Variants in MTF1 observed in about 807,000 individuals in gnomAD.
The protein encoded by MTF1 is MRE-binding transcription factor.
In MTF1, 22 loss-of-function variants were observed where a neutral mutation model predicts 70.4. That is an observed-to-expected ratio of 0.31 (90% CI 0.22 to 0.45). MTF1 has a LOEUF of 0.45. Among genes scored for constraint, MTF1 ranks in the 20% least tolerant of loss-of-function variants. The pLI is 1.00. For missense variants in MTF1, 649 were observed against 922.0 expected (o/e 0.70, Z 3.83); for synonymous variants, 333 against 352.8 (o/e 0.94, Z 0.63).
intron 2 of MTF1, among the ~76,000 whole-genome samples, chr1:37,845,114 G>A (rs28625842): frequency 0.24 from 36,102 of 152,134 alleles, 4,900 homozygotes; most frequent in Non-Finnish European, 0.3. Flanking sequence ...CACAACTTCC[G>A]GGACTAGCAT....
In MTF1 at chr1:37,828,266, GA is replaced by G. The variant is rs767828077; in HGVS notation, c.1068+3978del. On this transcript the variant is annotated intron_variant, in intron 7 of 10. Coordinates refer to ENST00000373036, the MANE Select transcript of MTF1 (RefSeq NM_005955.3). ...GAGATCATGGCTTTTGGGGGTATGT[GA>G]GGGGGGGGCCTCTGGGGTGCTGGGA... 8.8e-4 allele frequency: 315 copies of G among 357,644 alleles called. 1 individual carries two copies. The highest frequency in any genetic ancestry group is 1.6e-3 in the African/African-American group (70 of 43,804). The allele number at this position is 357,644 out of a possible 1,614,324, so 22.2% of individuals were successfully genotyped here.
chr1:37,834,312 G>A (rs1275254144), intron 6 of MTF1, among the ~76,000 whole-genome samples: 2 of 138,128 alleles, frequency 1.4e-5, no homozygotes, highest in African/African-American at 5.3e-5. Flanking sequence ...TATAAAGACT[G>A]ACTTTTACTT....
intron 2 of MTF1, among the ~76,000 whole-genome samples, chr1:37,848,258 C>T (rs1641362939): frequency 6.6e-6 from 1 of 152,144 alleles, no homozygotes; most frequent in African/African-American, 2.4e-5. Flanking sequence ...TCATGATGCA[C>T]CAGACACTAT....
intron 2 of MTF1, among the ~76,000 whole-genome samples, chr1:37,849,947 G>A (rs184217437): frequency 6.6e-6 from 1 of 152,136 alleles, no homozygotes; most frequent in Non-Finnish European, 1.5e-5. Flanking sequence ...ACTTGGAGTA[G>A]AAAGGCCTTA....
chr1:37,835,157 G>A lies in MTF1; in HGVS notation c.912C>T (p.Tyr304=), dbSNP rs755498079. The change falls in exon 6 of 11, where the codon TAC becomes TAT. Residue 304 remains tyrosine, a synonymous_variant. Coordinates refer to ENST00000373036, the MANE Select transcript of MTF1 (RefSeq NM_005955.3). ...GACCTTTCATGTGACTTTTGAGACT[G>A]TATTGAGTGCTGAATGTTTTCTCAC... is the stretch of plus-strand genomic sequence containing the variant. ...NGCEKTFSTQ[Y]SLKSHMKGHD... 2.6e-5 allele frequency: 42 copies of A among 1,613,298 alleles called. No individual in the cohort carries two copies. The highest frequency in any genetic ancestry group is 3.4e-5 in the Non-Finnish European group (40 of 1,179,330).
At chr1:37,821,773 G>C (rs1180109217) in intron 9 of MTF1, among the ~76,000 whole-genome samples, 1 of 152,152 alleles carries the variant, frequency 6.6e-6, no homozygotes, top group African/African-American at 2.4e-5. Context: ...ACATCAGTCT[G>C]ACTCTGCCTT....
intron 7 of MTF1, among the ~76,000 whole-genome samples, chr1:37,828,465 C>T (rs1641037544): frequency 6.6e-6 from 1 of 152,114 alleles, no homozygotes; most frequent in African/African-American, 2.4e-5. Flanking sequence ...CCACCACACC[C>T]GGCTAATTTT....
rs1450234859 is a variant in MTF1 at position 37,822,381 on chromosome 1, C to A, written c.1507G>T (p.Ala503Ser). The change falls in exon 9 of 11, where the codon GCT (alanine) becomes TCT (serine). Residue 503 changes from alanine (A) to serine (S), a missense_variant. Physicochemically the swap from Ala to Ser is moderately conservative, Grantham distance 99. Transcript: ENST00000373036. Reference protein sequence around the residue: ...QPIVPGLSVVAGASASAAAVA... With the variant: ...QPIVPGLSVVSGASASAAAVA... ...GCCGCTGCTGATGCAGAAGCCCCAG[C>A]AACAACAGAAAGTCCTGGTACAATG... 1 of 1,613,884 alleles carries A rather than the reference C, an allele frequency of 6.2e-7. No homozygotes were observed. Among genetic ancestry groups the A allele is most frequent in the South Asian group, 1.1e-5 (1 of 91,056 alleles).
intron 5 of MTF1, 81 bp from the exon 6 acceptor site, chr1:37,835,296 T>C (rs2148411122): frequency 8.2e-7 from 1 of 1,216,524 alleles, no homozygotes. Flanking sequence ...CTAATAGAGG[T>C]AAGTAAGTAT....
chr1:37,822,803 A>C, intron 8 of MTF1, 87 bp from the exon 9 acceptor site: 1 of 889,884 alleles, frequency 1.1e-6, no homozygotes, highest in Non-Finnish European at 1.7e-6. Flanking sequence ...TAAACAAAAC[A>C]CAGCTGAAGT....
intron 2 of MTF1, among the ~76,000 whole-genome samples, chr1:37,847,247 C>G (rs978044182): frequency 6.6e-6 from 1 of 152,130 alleles, no homozygotes; most frequent in Non-Finnish European, 1.5e-5. Flanking sequence ...ATTCTTGTAT[C>G]TTTGCAAAAG....
intron 6 of MTF1, chr1:37,834,579 C>T: frequency 2.2e-6 from 1 of 453,200 alleles, no homozygotes; most frequent in Non-Finnish European, 4.4e-6. Flanking sequence ...ATATGTAGGA[C>T]AGTCTATTGT....
Position 37,822,536 on chromosome 1 carries a change from G to C in MTF1, c.1352C>G (p.Pro451Arg). ...GCCAAATGCAGCTTGCTGGGAGCCA[G>C]GTCCTAGGGAGGGAGCAGGCGGAGG... ...SAPPPAPSLG[P>R]GSQQAAFGNP... Residue 451 changes from proline (P) to arginine (R), a missense_variant, in exon 9 of 11, where the codon CCT becomes CGT. Coordinates refer to ENST00000373036, the MANE Select transcript of MTF1 (RefSeq NM_005955.3). 2 of 1,614,132 alleles carry C rather than the reference G, an allele frequency of 1.2e-6. No homozygotes were observed. The highest frequency in any genetic ancestry group is 1.7e-6 in the Non-Finnish European group (2 of 1,180,022).
rs1044812328 is a variant in MTF1, at chr1:37,855,913, G to A, written c.408+1338C>T. 4.0e-5 allele frequency among the ~76,000 whole-genome samples: 6 copies of A among 151,746 alleles called. No individual in the cohort carries two copies. The East Asian group carries it at 5.8e-4, about 15-fold the overall frequency. ...GCAGAGGTTGCAGTGAGCCAAGATC[G>A]CACCACTGCACTCCAGCTTAGGCAA... On this transcript the variant is annotated intron_variant, in intron 2 of 10. Transcript: ENST00000373036.
Position 37,838,653 on chromosome 1 carries a change from G to A in MTF1, c.751C>T (p.Arg251Ter), listed in dbSNP as rs1641206432. 6.2e-7 allele frequency: 1 copy of A among 1,612,778 alleles called. No individual in the cohort carries two copies. The highest frequency in any genetic ancestry group is 8.5e-7 in the Non-Finnish European group (1 of 1,179,040). The change falls in exon 4 of 11, where the codon CGA (arginine) becomes TGA (stop). Residue 251 changes from arginine to a stop codon, truncating the protein, a stop_gained. Transcript: ENST00000373036. LOFTEE classifies it high-confidence loss of function. ...TTLSDLRKHI[R>*]THTGEKPFRC... ...AATGGCTTTTCCCCTGTATGAGTTCGAATGTGCTTCCTCAGATCACTGAGT... is the reference window on the plus strand; with the variant it reads ...AATGGCTTTTCCCCTGTATGAGTTCAAATGTGCTTCCTCAGATCACTGAGT...
intron 2 of MTF1, among the ~76,000 whole-genome samples, chr1:37,851,354 A>G (rs1043076823): frequency 2.0e-5 from 3 of 152,238 alleles, no homozygotes; most frequent in Admixed American, 6.5e-5. Context: ...GTGCTATTCA[A>G]TATGATTATC....
chr1:37,855,121 C>T (rs762945582), intron 2 of MTF1, among the ~76,000 whole-genome samples: 43 of 152,176 alleles, frequency 2.8e-4, no homozygotes, highest in Non-Finnish European at 5.6e-4. Context: ...GGTGACTAGG[C>T]TGATGAGAGA....
intron 2 of MTF1, among the ~76,000 whole-genome samples, chr1:37,851,650 A>G (rs1420669919): frequency 1.3e-5 from 2 of 152,184 alleles, no homozygotes; most frequent in Non-Finnish European, 2.9e-5. Context: ...AGAAGTCCTA[A>G]TCAACAAATT....
At chr1:37,837,427 T>C (rs1490917606) in intron 4 of MTF1, among the ~76,000 whole-genome samples, 1 of 151,850 alleles carries the variant, frequency 6.6e-6, no homozygotes, top group Non-Finnish European at 1.5e-5. Flanking sequence ...ACAAAACGAG[T>C]GGTTTAAGAA....
Sources: gnomAD v4.1 joint callset for allele counts (sites outside exome capture counted in the v4.1 genomes callset) on GRCh38, gnomAD v4.1.1 for gene constraint, MANE v1.5 for transcripts, NCBI Gene and HGNC (gene_info 2026-07-23, HGNC 2026-07-21) for gene names.